Variants in DNAAF11 observed in about 807,000 individuals in gnomAD.
The protein encoded by DNAAF11 is dynein axonemal assembly factor 11.
In DNAAF11, 45 loss-of-function variants were observed where a neutral mutation model predicts 60.8. That is an observed-to-expected ratio of 0.74 (90% CI 0.58 to 0.95). The LOEUF (loss-of-function observed/expected upper bound fraction) is 0.95. Ranked by LOEUF, DNAAF11 falls within the 40% of genes least tolerant of loss-of-function variation. The pLI is 0.00. For synonymous variants in DNAAF11, 191 were observed against 183.5 expected (o/e 1.04, Z -0.33); for missense variants, 546 against 546.2 (o/e 1.00, Z 0.00).
At chr8:132,590,233 C>T (rs57081957) in intron 10 of DNAAF11, among the ~76,000 whole-genome samples, 1 of 152,318 alleles carries the variant, frequency 6.6e-6, no homozygotes, top group South Asian at 2.1e-4. Context: ...GGCCAAGAAC[C>T]GTACGTGCTT....
intron 4 of DNAAF11, among the ~76,000 whole-genome samples, chr8:132,635,292 T>C (rs1821183478): frequency 6.6e-6 from 1 of 152,178 alleles, no homozygotes; most frequent in Non-Finnish European, 1.5e-5. Context: ...AGGTGGAGTG[T>C]CCACACTTAT....
chr8:132,631,879 T>G (rs201338421), intron 5 of DNAAF11, among the ~76,000 whole-genome samples: 3 of 149,876 alleles, frequency 2.0e-5, no homozygotes, highest in African/African-American at 7.4e-5. Context: ...GTTGGGGGAG[T>G]GGGGAGGGAT....
chr8:132,674,096 GC>G lies in DNAAF11; in HGVS notation c.10+1387del, dbSNP rs1370639643. On this transcript the variant is annotated intron_variant, in intron 1 of 11. Coordinates refer to ENST00000620350, the MANE Select transcript of DNAAF11 (RefSeq NM_012472.6). The stretch of plus-strand genomic sequence containing the variant: ...AGGAGGAGGAGCAGGAGGAGGAGGA[GC>G]AGGAGGAGGAGGAGCAGGAGGAGGA... Among the ~76,000 whole-genome samples the G allele has an allele frequency of 2.6e-3, 384 of 147,742 alleles. 10 individuals carry two copies. The highest frequency in any genetic ancestry group is 9.1e-3 in the African/African-American group (360 of 39,680).
At chr8:132,685,243 C>T in the DNAAF11 span, 1 of 152,182 alleles carries the variant, frequency 6.6e-6, no homozygotes, top group Non-Finnish European at 1.5e-5. Flanking sequence ...GTGGTATCCA[C>T]AAGATTATTA....
At chr8:132,610,085 T>A in intron 10 of DNAAF11, 81 bp downstream of exon 10, 1 of 927,552 alleles carries the variant, frequency 1.1e-6, no homozygotes, top group South Asian at 1.4e-5. Flanking sequence ...TAATCAGAAG[T>A]CATCATTAGT....
At chr8:132,605,552 C>T (rs1818042232) in intron 10 of DNAAF11, among the ~76,000 whole-genome samples, 1 of 152,058 alleles carries the variant, frequency 6.6e-6, no homozygotes, top group South Asian at 2.1e-4. Flanking sequence ...GTTCTAGGTG[C>T]CATTGACAAG....
chr8:132,672,066 A>AGGTGGG (rs1825242161), intron 1 of DNAAF11, among the ~76,000 whole-genome samples: 1 of 152,160 alleles, frequency 6.6e-6, no homozygotes, highest in South Asian at 2.1e-4. Context: ...TATAAGCCAT[A>AGGTGGG]GGTGGGGAGA....
intron 1 of DNAAF11, among the ~76,000 whole-genome samples, chr8:132,667,209 T>G (rs1824723698): frequency 6.6e-6 from 1 of 152,214 alleles, no homozygotes; most frequent in South Asian, 2.1e-4. Flanking sequence ...GTCAAATCTT[T>G]GCCCCACCAT....
At chr8:132,662,195 G>C (rs1824207221) in intron 1 of DNAAF11, among the ~76,000 whole-genome samples, 1 of 152,186 alleles carries the variant, frequency 6.6e-6, no homozygotes, top group African/African-American at 2.4e-5. Flanking sequence ...CACTTGTTTT[G>C]TTTCCAGGAG....
chr8:132,598,654 T>A (rs1291781161), intron 10 of DNAAF11, among the ~76,000 whole-genome samples: 1 of 152,206 alleles, frequency 6.6e-6, no homozygotes, highest in African/African-American at 2.4e-5. Flanking sequence ...ACCCTAAGTA[T>A]AAATCCTGCA....
chr8:132,631,529 A>G (rs2060778987), intron 5 of DNAAF11, among the ~76,000 whole-genome samples: 1 of 152,320 alleles, frequency 6.6e-6, no homozygotes, highest in East Asian at 1.9e-4. Context: ...TTCATGCTAA[A>G]CACACATACT....
At position 132,611,328 on chromosome 8, in the gene DNAAF11, T is replaced by A; in HGVS notation, c.1010A>T (p.Gln337Leu). The change falls in exon 9 of 12, where the codon CAA becomes CTA. Residue 337 changes from glutamine to leucine, a missense_variant. By Grantham distance (113) the Gln-to-Leu change is moderately radical (BLOSUM62 -2). Coordinates refer to ENST00000620350, the MANE Select transcript of DNAAF11 (RefSeq NM_012472.6). ...MDTSLIDVDV[Q>L]PTYVRVMIKG... ...GATCATTACTCGCACGTAAGTTGGT[T>A]GCACATCAACATCGATTAAAGAGGT... is the stretch of plus-strand genomic sequence containing the variant. 6.2e-7 allele frequency: 1 copy of A among 1,612,330 alleles called. No homozygotes were observed.
intron 11 of DNAAF11, among the ~76,000 whole-genome samples, chr8:132,580,015 A>C (rs1815157978): frequency 6.6e-6 from 1 of 151,880 alleles, no homozygotes; most frequent in Non-Finnish European, 1.5e-5. Flanking sequence ...AAATAAATGA[A>C]CAAAAAAGAC....
In DNAAF11 at chr8:132,656,923, A is replaced by G. The variant is rs1345691973; in HGVS notation, c.179-16T>C. On this transcript the variant is annotated splice_polypyrimidine_tract_variant and intron_variant, in intron 2 of 11. Coordinates refer to ENST00000620350, the MANE Select transcript of DNAAF11 (RefSeq NM_012472.6). ...CTAACATTTTCTGAAATACAAGATAATGTAGTTAAGATAATTAATCTTCAA... is the reference window on the plus strand; with the variant it reads ...CTAACATTTTCTGAAATACAAGATAGTGTAGTTAAGATAATTAATCTTCAA... 1 of 995,044 alleles carries G rather than the reference A, an allele frequency of 1.0e-6. No individual in the cohort carries two copies. Among genetic ancestry groups the G allele is most frequent in the Non-Finnish European group, 1.5e-6 (1 of 649,104 alleles). The allele number at this position is 995,044 out of a possible 1,614,324, so 61.6% of individuals were successfully genotyped here.
chr8:132,637,440 T>C (rs1312445070), intron 4 of DNAAF11, among the ~76,000 whole-genome samples: 2 of 152,044 alleles, frequency 1.3e-5, no homozygotes, highest in Non-Finnish European at 2.9e-5. Context: ...ACCACATCTC[T>C]ACTAAAAATA....
intron 11 of DNAAF11, among the ~76,000 whole-genome samples, chr8:132,576,998 T>C (rs928482342): frequency 7.2e-5 from 11 of 152,306 alleles, no homozygotes; most frequent in Middle Eastern, 3.4e-3. Flanking sequence ...AGCCTTTTTA[T>C]TGAGTGCAAT....
intron 10 of DNAAF11, among the ~76,000 whole-genome samples, chr8:132,606,414 G>A (rs1191945889): frequency 6.6e-6 from 1 of 152,186 alleles, no homozygotes; most frequent in Admixed American, 6.5e-5. Context: ...TGTAGACCTA[G>A]GCTAATGTGT....
chr8:132,645,602 T>A (rs1410924350), intron 3 of DNAAF11, among the ~76,000 whole-genome samples: 1 of 151,494 alleles, frequency 6.6e-6, no homozygotes, highest in East Asian at 1.9e-4. Flanking sequence ...TGAAAAAAAA[T>A]AGACAAATGG....
Position 132,608,479 on chromosome 8 carries a change from G to A in DNAAF11, c.1140+1687C>T, listed in dbSNP as rs747388472. On this transcript the variant is annotated intron_variant, in intron 10 of 11. Coordinates refer to ENST00000620350, the MANE Select transcript of DNAAF11 (RefSeq NM_012472.6). ...ACAGATTAAAAACATAAAGGAAAAG[G>A]GGAAAAGAATGCTGCAGTTGTTTAA... 6 of 451,302 alleles carry A rather than the reference G, an allele frequency of 1.3e-5. No homozygotes were observed. In the East Asian group the frequency reaches 2.8e-4, roughly 21 times the overall value. The allele number at this position is 451,302 out of a possible 1,614,324, so 28.0% of individuals were successfully genotyped here.
Sources: allele counts gnomAD v4.1 joint callset (sites outside exome capture counted in the v4.1 genomes callset), GRCh38; gene constraint gnomAD v4.1.1; transcripts MANE v1.5; gene names NCBI Gene and HGNC (gene_info 2026-07-23, HGNC 2026-07-21).